RNF150: variants seen among roughly 807,000 people sequenced by gnomAD.
RNF150 encodes ring finger protein 150.
RNF150 carries 24 observed loss-of-function variants against 39.3 expected under a neutral mutation model. That is an observed-to-expected ratio of 0.61 (90% CI 0.44 to 0.86). RNF150 has a LOEUF of 0.86. Among genes scored for constraint, RNF150 ranks in the 40% least tolerant of loss-of-function variants. The pLI is 0.00. For missense variants in RNF150, 502 were observed against 587.8 expected (o/e 0.85, Z 1.51); for synonymous variants, 255 against 227.3 (o/e 1.12, Z -1.10).
intron 1 of RNF150, among the ~76,000 whole-genome samples, chr4:141,199,270 G>A (rs537196246): frequency 5.9e-5 from 9 of 152,270 alleles, no homozygotes; most frequent in Non-Finnish European, 1.3e-4. Context: ...ATTGCTGGTG[G>A]GATTGCAAAA....
At chr4:140,937,347 A>G (rs967838375) in intron 4 of RNF150, among the ~76,000 whole-genome samples, 1 of 152,104 alleles carries the variant, frequency 6.6e-6, no homozygotes, top group Non-Finnish European at 1.5e-5. Flanking sequence ...TGCAACCTTC[A>G]CCACCCAGGT....
At chr4:141,161,873 G>A (rs560964447) in intron 1 of RNF150, among the ~76,000 whole-genome samples, 2 of 152,330 alleles carry the variant, frequency 1.3e-5, no homozygotes, top group South Asian at 2.1e-4. Flanking sequence ...GCCTCTGCCT[G>A]TATTTCAGAG....
chr4:140,919,287 C>G (rs1348379462), intron 5 of RNF150, among the ~76,000 whole-genome samples: 2 of 144,022 alleles, frequency 1.4e-5, no homozygotes, highest in Non-Finnish European at 3.0e-5. Context: ...CTAGAAAACC[C>G]CACTGTCTCA....
At chr4:140,919,096 A>C (rs1257266668) in intron 5 of RNF150, among the ~76,000 whole-genome samples, 1 of 149,818 alleles carries the variant, frequency 6.7e-6, no homozygotes, top group Non-Finnish European at 1.5e-5. Context: ...ATGGGCAAAA[A>C]CTGGAAGCAT....
chr4:141,100,617 C>T (rs1297304927), intron 1 of RNF150, among the ~76,000 whole-genome samples: 1 of 152,142 alleles, frequency 6.6e-6, no homozygotes. Context: ...TGGGATGGAT[C>T]TGACTAAGGG....
At chr4:141,016,713 G>A (rs1735291789) in intron 1 of RNF150, among the ~76,000 whole-genome samples, 1 of 152,140 alleles carries the variant, frequency 6.6e-6, no homozygotes, top group Non-Finnish European at 1.5e-5. Context: ...GTAGTTGGCT[G>A]ACAATCTACT....
chr4:141,069,810 T>C (rs1737619156), intron 1 of RNF150, among the ~76,000 whole-genome samples: 1 of 152,214 alleles, frequency 6.6e-6, no homozygotes, highest in African/African-American at 2.4e-5. Context: ...TGTCGAGGAA[T>C]GTATCCATTT....
intron 1 of RNF150, among the ~76,000 whole-genome samples, chr4:141,106,693 G>A (rs1238243288): frequency 6.6e-6 from 1 of 152,012 alleles, no homozygotes; most frequent in African/African-American, 2.4e-5. Context: ...GCTTGGGAGG[G>A]TGAGGCAGGA....
intron 1 of RNF150, among the ~76,000 whole-genome samples, chr4:141,175,903 G>T (rs1727801416): frequency 6.6e-6 from 1 of 151,712 alleles, no homozygotes; most frequent in African/African-American, 2.4e-5. Context: ...TATTTTTTTT[G>T]AGACAGGGTC....
chr4:141,188,390 G>T (rs1728049657), intron 1 of RNF150, among the ~76,000 whole-genome samples: 1 of 152,032 alleles, frequency 6.6e-6, no homozygotes, highest in South Asian at 2.1e-4. Context: ...TTGAATGTTG[G>T]CCTGTCTTGC....
chr4:141,063,715 T>C (rs1008170838), intron 1 of RNF150, among the ~76,000 whole-genome samples: 1 of 152,148 alleles, frequency 6.6e-6, no homozygotes, highest in Non-Finnish European at 1.5e-5. Flanking sequence ...TAGAACATAC[T>C]ACGCACAAAT....
rs57374984 is a variant in RNF150 at position 141,006,012 on chromosome 4, T to A, written c.485-38139A>T. 8.5e-3 allele frequency among the ~76,000 whole-genome samples: 1,073 copies of A among 126,782 alleles called. 76 individuals carry two copies. The highest frequency in any genetic ancestry group is 0.028 in the African/African-American group (929 of 32,762). 83.2% of individuals were successfully genotyped at this position (126,782 alleles called of 152,430 possible). ...TGAACCCGGGAGGCGGAGTTTGCAG[T>A]GAGCCGAGATCCCGCCACTGCACTC... On this transcript the variant is annotated intron_variant, in intron 1 of 6. Coordinates refer to ENST00000515673, the MANE Select transcript of RNF150 (RefSeq NM_020724.2).
chr4:140,947,577 A>G, intron 4 of RNF150, 77 bp downstream of exon 4: 1 of 951,760 alleles, frequency 1.1e-6, no homozygotes. Context: ...TATGCCCAGC[A>G]GGTCGGGGCC....
chr4:141,035,942 C>A (rs1488827560), intron 1 of RNF150, among the ~76,000 whole-genome samples: 1 of 152,012 alleles, frequency 6.6e-6, no homozygotes, highest in African/African-American at 2.4e-5. Context: ...AGCTGCATCT[C>A]TGAGGTTATG....
chr4:141,082,771 G>T (rs540029615), intron 1 of RNF150, among the ~76,000 whole-genome samples: 14 of 151,896 alleles, frequency 9.2e-5, no homozygotes, highest in Admixed American at 2.6e-4. Context: ...TGTATTTTTA[G>T]TAGAGACGGG....
Position 140,868,394 on chromosome 4 carries a change from C to A in RNF150, c.1199-15G>T. The A allele has an allele frequency of 7.1e-7, 1 of 1,415,812 alleles. No homozygotes were observed. Among genetic ancestry groups the A allele is most frequent in the Non-Finnish European group, 1.0e-6 (1 of 998,952 alleles). 87.7% of individuals were successfully genotyped at this position (1,415,812 alleles called of 1,614,324 possible). ...CTCCTGCTCACCTGGGAGGAGAAAGCAAAGTTCACAGTGAACACCGAGCTA... is the reference window on the plus strand; with the variant it reads ...CTCCTGCTCACCTGGGAGGAGAAAGAAAAGTTCACAGTGAACACCGAGCTA... On this transcript the variant is annotated splice_polypyrimidine_tract_variant and intron_variant, in intron 6 of 6. Transcript: ENST00000515673.
chr4:141,142,371 TCTC>T (rs1727131261), intron 1 of RNF150, among the ~76,000 whole-genome samples: 1 of 152,142 alleles, frequency 6.6e-6, no homozygotes, highest in Non-Finnish European at 1.5e-5. Flanking sequence ...CTTACCATGA[TCTC>T]CTCCCTCTTC....
intron 6 of RNF150, among the ~76,000 whole-genome samples, chr4:140,900,847 C>A (rs1388696351): frequency 1.3e-5 from 2 of 151,864 alleles, no homozygotes; most frequent in African/African-American, 4.8e-5. Context: ...CATATCGATT[C>A]ATTTAGCCTT....
intron 1 of RNF150, among the ~76,000 whole-genome samples, chr4:141,093,083 G>A (rs1283766424): frequency 6.6e-6 from 1 of 152,046 alleles, no homozygotes; most frequent in Non-Finnish European, 1.5e-5. Context: ...AAGGGAACTG[G>A]TGGCTGGGCG....
Sources: gnomAD v4.1 joint callset for allele counts (sites outside exome capture counted in the v4.1 genomes callset) on GRCh38, gnomAD v4.1.1 for gene constraint, MANE v1.5 for transcripts, NCBI Gene and HGNC (gene_info 2026-07-23, HGNC 2026-07-21) for gene names.